ADAMTS3: variants seen among roughly 807,000 people sequenced by gnomAD.
ADAMTS3 encodes ADAM metallopeptidase with thrombospondin type 1 motif 3, also known as A disintegrin and metalloproteinase with thrombospondin motifs 3.
In ADAMTS3, 73 loss-of-function variants were observed where a neutral mutation model predicts 129.0. The ratio of observed to expected loss-of-function variants is 0.57; its 90% CI spans 0.47 to 0.69. ADAMTS3 has a LOEUF of 0.69. Among genes scored for constraint, ADAMTS3 ranks in the 30% least tolerant of loss-of-function variants. The probability of loss-of-function intolerance (pLI) is 0.00; values close to 1 mark genes in which losing one functional copy is unlikely to be tolerated. For synonymous variants in ADAMTS3, 477 were observed against 510.8 expected, an observed-to-expected ratio of 0.93 and a Z score of 0.89; for missense variants, 1,457 against 1,514.5, an observed-to-expected ratio of 0.96 and a Z score of 0.63.
chr4:72,397,329 C>T (rs1041862369), intron 4 of ADAMTS3, among the ~76,000 whole-genome samples: 28 of 151,908 alleles, frequency 1.8e-4, no homozygotes, highest in African/African-American at 6.8e-4. Flanking sequence ...CTTTGGGAGG[C>T]CGAGGTGGGT....
intron 3 of ADAMTS3, among the ~76,000 whole-genome samples, chr4:72,416,032 G>T (rs1463835413): frequency 6.6e-6 from 1 of 151,554 alleles, no homozygotes; most frequent in African/African-American, 2.4e-5. Flanking sequence ...AGAGGTCACT[G>T]GCTCTCATGT....
At chr4:72,525,882 G>A (rs1024034896) in intron 3 of ADAMTS3, among the ~76,000 whole-genome samples, 3 of 152,114 alleles carry the variant, frequency 2.0e-5, no homozygotes, top group African/African-American at 7.2e-5. Context: ...CTGAACTGGC[G>A]GGGGAGAGAG....
chr4:72,385,138 C>A (rs1304030839), intron 4 of ADAMTS3, among the ~76,000 whole-genome samples: 2 of 151,712 alleles, frequency 1.3e-5, no homozygotes, highest in African/African-American at 4.8e-5. Flanking sequence ...CGAGATCCTG[C>A]CACTGCACTC....
intron 4 of ADAMTS3, among the ~76,000 whole-genome samples, chr4:72,349,053 T>A (rs1315966411): frequency 6.6e-6 from 1 of 151,904 alleles, no homozygotes; most frequent in Non-Finnish European, 1.5e-5. Flanking sequence ...GCTATTAAAT[T>A]AGGGGTGATT....
At chr4:72,394,788 G>A (rs1369148952) in intron 4 of ADAMTS3, among the ~76,000 whole-genome samples, 1 of 152,120 alleles carries the variant, frequency 6.6e-6, no homozygotes, top group Non-Finnish European at 1.5e-5. Context: ...GAAACCAAAA[G>A]TTATGCTTTT....
intron 3 of ADAMTS3, among the ~76,000 whole-genome samples, chr4:72,416,887 A>G (rs1005687792): frequency 1.3e-5 from 2 of 152,214 alleles, no homozygotes; most frequent in Non-Finnish European, 2.9e-5. Flanking sequence ...ACTAAGCACA[A>G]ACACAGTAAA....
rs35923452 is a variant in ADAMTS3, at chr4:72,553,811, T to C, written c.98-4927A>G. ...GCCTGACAGGCACAGGGTGGAGTATTAGTAGCCAGTGCACTTGCCTGTCAA... is the reference window on the plus strand; with the variant it reads ...GCCTGACAGGCACAGGGTGGAGTATCAGTAGCCAGTGCACTTGCCTGTCAA... On this transcript the variant is annotated intron_variant, in intron 2 of 21. Coordinates refer to ENST00000286657, the MANE Select transcript of ADAMTS3 (RefSeq NM_014243.3). Among the ~76,000 whole-genome samples the C allele has an allele frequency of 5.7e-3, 872 of 152,282 alleles. 4 individuals are homozygous for C. Among genetic ancestry groups the C allele is most frequent in the Non-Finnish European group, 9.6e-3 (656 of 68,008 alleles).
chr4:72,295,391 C>A (rs998633937), intron 19 of ADAMTS3, among the ~76,000 whole-genome samples: 5 of 151,838 alleles, frequency 3.3e-5, no homozygotes, highest in Non-Finnish European at 5.9e-5. Context: ...GGAATAGAAG[C>A]AAAAACATTT....
At chr4:72,486,548 T>A (rs915792809) in intron 3 of ADAMTS3, among the ~76,000 whole-genome samples, 20 of 152,194 alleles carry the variant, frequency 1.3e-4, no homozygotes, top group Non-Finnish European at 2.5e-4. Flanking sequence ...GGGCTTTGGA[T>A]GGATTCTATT....
chr4:72,528,898 T>C (rs1720885324), intron 3 of ADAMTS3, among the ~76,000 whole-genome samples: 1 of 152,094 alleles, frequency 6.6e-6, no homozygotes, highest in Admixed American at 6.6e-5. Flanking sequence ...TTCTCCTCAG[T>C]AGACCCATGC....
At chr4:72,479,990 A>G (rs926320972) in intron 3 of ADAMTS3, among the ~76,000 whole-genome samples, 2 of 152,122 alleles carry the variant, frequency 1.3e-5, no homozygotes, top group African/African-American at 4.8e-5. Flanking sequence ...CAAAACCACA[A>G]TGAGATACCA....
chr4:72,529,444 T>C, intron 3 of ADAMTS3, among the ~76,000 whole-genome samples: 1 of 151,552 alleles, frequency 6.6e-6, no homozygotes, highest in Admixed American at 6.6e-5. Flanking sequence ...ATCAGTGGCC[T>C]CTTGAAGAGA....
At chr4:72,359,880 A>G (rs1470281495) in intron 4 of ADAMTS3, among the ~76,000 whole-genome samples, 1 of 152,066 alleles carries the variant, frequency 6.6e-6, no homozygotes, top group African/African-American at 2.4e-5. Flanking sequence ...AATAAATTAT[A>G]CTCTAACATT....
rs576966866 is a variant in ADAMTS3, at chr4:72,289,563, T to G, written c.2932-695A>C. Among the ~76,000 whole-genome samples, 173 of 152,346 alleles carry G rather than the reference T, an allele frequency of 1.1e-3. 1 individual carries two copies. The highest frequency in any genetic ancestry group is 4.0e-3 in the African/African-American group (167 of 41,588). On this transcript the variant is annotated intron_variant, in intron 20 of 21. Transcript: ENST00000286657. ...TTGATATGTGTTATCATTATCATCC[T>G]ATGTGGGTGACCTGCACTTGTACTA...
At chr4:72,463,656 A>G (rs1156531326) in intron 3 of ADAMTS3, among the ~76,000 whole-genome samples, 2 of 142,210 alleles carry the variant, frequency 1.4e-5, no homozygotes, top group African/African-American at 5.3e-5. Flanking sequence ...TTTTTTTACT[A>G]TTTTTCAGTG....
rs1357302596 is a variant in ADAMTS3, at chr4:72,282,684, A to T, written c.*452T>A. The T allele has an allele frequency of 6.5e-6, 1 of 153,814 alleles. No individual in the cohort carries two copies. The highest frequency in any genetic ancestry group is 1.5e-5 in the Non-Finnish European group (1 of 68,946). The allele number at this position is 153,814 out of a possible 1,614,324, so 9.5% of individuals were successfully genotyped here. On this transcript the variant is annotated 3_prime_UTR_variant, in exon 22 of 22. Transcript: ENST00000286657. Reference sequence around the variant, plus strand: ...TTACACAACAGCTGCAAATTTGCTCATACAATATTTCTAATATAGATAAAT... The same window carrying T: ...TTACACAACAGCTGCAAATTTGCTCTTACAATATTTCTAATATAGATAAAT...
intron 1 of ADAMTS3, chr4:72,567,982 T>C (rs1722060286): frequency 6.5e-6 from 1 of 153,246 alleles, no homozygotes; most frequent in Admixed American, 6.5e-5. Flanking sequence ...TCCAAAGGGT[T>C]GGGGGCAGGG....
At chr4:72,541,301 C>T (rs1270797275) in intron 3 of ADAMTS3, among the ~76,000 whole-genome samples, 1 of 152,192 alleles carries the variant, frequency 6.6e-6, no homozygotes, top group African/African-American at 2.4e-5. Context: ...GTTTCTCCCA[C>T]TTGGAATGGG....
At chr4:72,318,449 T>C (rs1719456757) in intron 10 of ADAMTS3, 123 bp downstream of exon 10, 2 of 1,044,980 alleles carry the variant, frequency 1.9e-6, no homozygotes, top group Admixed American at 5.5e-5. Context: ...AGCAACACAA[T>C]GAACACAAAA....
Sources: gnomAD v4.1 joint callset for allele counts (sites outside exome capture counted in the v4.1 genomes callset) on GRCh38, gnomAD v4.1.1 for gene constraint, MANE v1.5 for transcripts, NCBI Gene and HGNC (gene_info 2026-07-23, HGNC 2026-07-21) for gene names.